The following GALK2 variants were observed in gnomAD, a reference collection of about 807,000 sequenced individuals.
GALK2 encodes the protein N-acetylgalactosamine kinase.
Under a neutral mutation model 52.4 loss-of-function variants are expected in GALK2, and 36 were observed. That is an observed-to-expected ratio of 0.69 (90% CI 0.53 to 0.91). The LOEUF (loss-of-function observed/expected upper bound fraction) is 0.91. Ranked by LOEUF, GALK2 falls within the 40% of genes least tolerant of loss-of-function variation. The pLI is 0.00. For synonymous variants in GALK2, 176 were observed against 199.1 expected (o/e 0.88, Z 0.98); for missense variants, 579 against 559.1 (o/e 1.04, Z -0.36).
intron 5 of GALK2, among the ~76,000 whole-genome samples, chr15:49,264,882 A>G (rs1446329448): frequency 1.3e-5 from 2 of 152,192 alleles, no homozygotes; most frequent in African/African-American, 4.8e-5. Flanking sequence ...TGGCTGTAGT[A>G]CAGCGGATTT....
chr15:49,295,329 C>CTG (rs879279127), intron 8 of GALK2, among the ~76,000 whole-genome samples: 108 of 141,202 alleles, frequency 7.6e-4, no homozygotes, highest in African/African-American at 2.8e-3. Context: ...CTCTCTCTCT[C>CTG]TATCTATATA....
chr15:49,366,053 T>G, intron 3 of GALK2: 1 of 816,468 alleles, frequency 1.2e-6, no homozygotes, highest in Non-Finnish European at 2.2e-6. Context: ...TCTTCCTTTT[T>G]TTTCCCTCAT....
intron 2 of GALK2, among the ~76,000 whole-genome samples, chr15:49,201,769 T>C (rs932105057): frequency 6.6e-5 from 10 of 152,222 alleles, no homozygotes; most frequent in Admixed American, 5.9e-4. Flanking sequence ...TTTATCAATG[T>C]CCCTATATAT....
Position 49,292,954 on chromosome 15 carries a change from T to G in GALK2, c.967+417T>G, listed in dbSNP as rs149476725. Among the ~76,000 whole-genome samples the G allele has an allele frequency of 1.9e-3, 284 of 152,336 alleles. 2 individuals are homozygous for G. Among genetic ancestry groups the G allele is most frequent in the African/African-American group, 6.3e-3 (263 of 41,586 alleles). ...TTGTGGCCTACTTTAGTGTGGAAGC[T>G]TATTTCTATTTGTGGTCTGCTTTCA... On this transcript the variant is annotated intron_variant, in intron 8 of 9. Transcript: ENST00000560031.
chr15:49,234,236 A>AT (rs994176223), intron 3 of GALK2, among the ~76,000 whole-genome samples: 10 of 151,754 alleles, frequency 6.6e-5, no homozygotes, highest in South Asian at 2.1e-4. Flanking sequence ...ATTTTGAAGT[A>AT]TTTTTTTTGA....
At chr15:49,264,477 T>G (rs1044930763) in intron 5 of GALK2, among the ~76,000 whole-genome samples, 5 of 152,184 alleles carry the variant, frequency 3.3e-5, no homozygotes. Context: ...TCGTCTAAAT[T>G]TTTTTCAAAG....
Position 49,319,805 on chromosome 15 carries a change from G to T in GALK2, c.1169G>T (p.Arg390Leu). The T allele has an allele frequency of 6.2e-7, 1 of 1,612,728 alleles. No homozygotes were observed. Among genetic ancestry groups the T allele is most frequent in the Non-Finnish European group, 8.5e-7 (1 of 1,179,536 alleles). The change falls in exon 9 of 10, where the codon CGG (arginine) becomes CTG (leucine). Residue 390 changes from arginine to leucine, a missense_variant and splice_region_variant. Arg to Leu is a moderately radical substitution (Grantham distance 102, BLOSUM62 -2). Coordinates refer to ENST00000560031, the MANE Select transcript of GALK2 (RefSeq NM_002044.4). ...PELDQLVDICRKFGAQGSRLT... is the reference protein window; with the variant it reads ...PELDQLVDICLKFGAQGSRLT... ...CTGGATCAGCTGGTGGACATCTGTC[G>T]GTGAGGCAGCCTGGTGGGGGCCAAG... is the stretch of plus-strand genomic sequence containing the variant.
intron 5 of GALK2, among the ~76,000 whole-genome samples, chr15:49,258,380 G>C (rs941246729): frequency 6.6e-6 from 1 of 152,022 alleles, no homozygotes; most frequent in East Asian, 1.9e-4. Context: ...TGTCTGATGA[G>C]GTAACGTTTG....
At chr15:49,161,128 C>T (rs1316909261) in intron 1 of GALK2, among the ~76,000 whole-genome samples, 1 of 152,146 alleles carries the variant, frequency 6.6e-6, no homozygotes, top group African/African-American at 2.4e-5. Flanking sequence ...AAATATATTG[C>T]ATAATTTGCT....
chr15:49,181,253 A>C (rs1595904487), intron 1 of GALK2, among the ~76,000 whole-genome samples: 1 of 151,518 alleles, frequency 6.6e-6, no homozygotes, highest in African/African-American at 2.4e-5. Context: ...ACAGGCATGC[A>C]TGTGCCATGG....
chr15:49,357,710 A>T (rs1357479157), intron 3 of GALK2, among the ~76,000 whole-genome samples: 2 of 152,048 alleles, frequency 1.3e-5, no homozygotes, highest in Non-Finnish European at 2.9e-5. Flanking sequence ...TCAATAGAAA[A>T]AGAGGGAATC....
At chr15:49,267,451 GT>G (rs1244960111) in intron 5 of GALK2, among the ~76,000 whole-genome samples, 10 of 152,274 alleles carry the variant, frequency 6.6e-5, no homozygotes, top group African/African-American at 2.4e-4. Flanking sequence ...CATGACTGAA[GT>G]TTGGGCAAGC....
At chr15:49,158,536 T>C (rs1342390750) in intron 1 of GALK2, among the ~76,000 whole-genome samples, 1 of 152,234 alleles carries the variant, frequency 6.6e-6, no homozygotes, top group Non-Finnish European at 1.5e-5. Flanking sequence ...TACACTCTTA[T>C]TTCTGAGCCA....
Position 49,328,817 on chromosome 15 carries a change from T to A in GALK2, c.*658T>A. ...CAAAAGGAGGATACAGGAAGAAAAT[T>A]CAGACTCATTTGAATATTTGTAAAC... On this transcript the variant is annotated 3_prime_UTR_variant, in exon 10 of 10. Coordinates refer to ENST00000560031, the MANE Select transcript of GALK2 (RefSeq NM_002044.4). The A allele has an allele frequency of 7.1e-7, 1 of 1,416,072 alleles. No individual in the cohort carries two copies. The highest frequency in any genetic ancestry group is 2.9e-5 in the Admixed American group (1 of 34,722). The allele number at this position is 1,416,072 out of a possible 1,614,324, so 87.7% of individuals were successfully genotyped here.
chr15:49,222,211 A>T (rs2089848127), intron 3 of GALK2, among the ~76,000 whole-genome samples: 1 of 151,896 alleles, frequency 6.6e-6, no homozygotes, highest in Non-Finnish European at 1.5e-5. Context: ...TTCATTATTG[A>T]TGTATTGAAA....
chr15:49,351,130 T>C (rs2042185233), intron 3 of GALK2, among the ~76,000 whole-genome samples: 1 of 149,396 alleles, frequency 6.7e-6, no homozygotes, highest in African/African-American at 2.5e-5. Flanking sequence ...TTAGTTTTGT[T>C]AGCCTTGTTT....
intron 7 of GALK2, among the ~76,000 whole-genome samples, chr15:49,289,987 T>C (rs1331120847): frequency 6.6e-6 from 1 of 152,182 alleles, no homozygotes; most frequent in African/African-American, 2.4e-5. Flanking sequence ...ATGTTTGCCA[T>C]GGTGAAAAGA....
chr15:49,189,252 G>A (rs182016561), intron 1 of GALK2, among the ~76,000 whole-genome samples: 5 of 152,208 alleles, frequency 3.3e-5, no homozygotes, highest in South Asian at 2.1e-4. Flanking sequence ...ACTTGAATGC[G>A]TATTTCCTAA....
chr15:49,334,693 G>A (rs1287995889), downstream of GALK2, among the ~76,000 whole-genome samples: 3 of 152,276 alleles, frequency 2.0e-5, no homozygotes, highest in South Asian at 2.1e-4. Context: ...AGATCTGCCC[G>A]CTGGATAGGA....
Sources: gnomAD v4.1 joint callset for allele counts (sites outside exome capture counted in the v4.1 genomes callset) on GRCh38, gnomAD v4.1.1 for gene constraint, MANE v1.5 for transcripts, NCBI Gene and HGNC (gene_info 2026-07-23, HGNC 2026-07-21) for gene names.